The following SLC25A39 variants were observed in gnomAD, a reference collection of about 807,000 sequenced individuals.
SLC25A39 encodes solute carrier family 25 member 39.
Under a neutral mutation model 46.6 loss-of-function variants are expected in SLC25A39, and 44 were observed. The ratio of observed to expected loss-of-function variants is 0.94; its 90% CI spans 0.74 to 1.21. The LOEUF (loss-of-function observed/expected upper bound fraction) is 1.21, where lower values mean the gene tolerates loss of function less well. Among genes scored for constraint, SLC25A39 ranks in the 50% most tolerant of loss-of-function variants. The pLI, the probability that SLC25A39 is intolerant of heterozygous loss-of-function variation, is 0.00. For missense variants in SLC25A39, 487 were observed against 473.0 expected, an observed-to-expected ratio of 1.03 and a Z score of -0.28; for synonymous variants, 218 against 190.6, an observed-to-expected ratio of 1.14 and a Z score of -1.19.
intron 3 of SLC25A39, 111 bp from the exon 4 acceptor site, chr17:44,322,963 C>T (rs1047166134): frequency 1.7e-6 from 2 of 1,199,764 alleles, no homozygotes; most frequent in Non-Finnish European, 2.4e-6. Flanking sequence ...TGCTCTGTCG[C>T]CCACCCTGGA....
At chr17:44,324,430 G>T (rs966043494) in intron 1 of SLC25A39, 2 of 152,274 alleles carry the variant, frequency 1.3e-5, no homozygotes, top group African/African-American at 4.8e-5. Context: ...CTCCCCGCCC[G>T]GCCGGACGGG....
chr17:44,322,894 C>T (rs377197857), intron 3 of SLC25A39, 42 bp from the exon 4 acceptor site: 1 of 1,605,116 alleles, frequency 6.2e-7, no homozygotes, highest in Non-Finnish European at 8.5e-7. Flanking sequence ...GAGCCCCCAC[C>T]CGCCCTAGGG....
chr17:44,322,080 C>T (rs2048060500), intron 5 of SLC25A39, among the ~76,000 whole-genome samples: 1 of 152,200 alleles, frequency 6.6e-6, no homozygotes, highest in South Asian at 2.1e-4. Context: ...AAAACCCTGT[C>T]TCTACTAAAA....
rs377362658 is a variant in SLC25A39 at position 44,320,730 on chromosome 17, G to T, written c.693C>A (p.Ala231=). The T allele has an allele frequency of 1.2e-6, 2 of 1,611,986 alleles. No individual in the cohort carries two copies. Among genetic ancestry groups the T allele is most frequent in the African/African-American group, 2.7e-5 (2 of 74,968 alleles). Residue 231 remains alanine (A), a splice_region_variant and synonymous_variant, in exon 9 of 12, where the codon GCC becomes GCA. Coordinates refer to ENST00000377095, the MANE Select transcript of SLC25A39 (RefSeq NM_001143780.3). ...CCAGCTCATAGTTGAACCAGTACAG[G>T]GCTTGGGGTGGGGGATGCACTGATT... ...PTALRDVPFS[A]LYWFNYELVK...
rs1289114806 is a variant in SLC25A39, at chr17:44,321,241, G to T, written c.518-10C>A. The T allele has an allele frequency of 1.3e-6, 2 of 1,598,380 alleles. No individual in the cohort carries two copies. The highest frequency in any genetic ancestry group is 1.7e-6 in the Non-Finnish European group (2 of 1,171,786). On this transcript the variant is annotated splice_polypyrimidine_tract_variant and intron_variant, in intron 7 of 11. Transcript: ENST00000377095. Reference sequence around the variant, plus strand: ...ACAGTCACGGTGCCCACTGTGTGGGGATTGGGGGTGACAATGGGGAGAAGT... The same window carrying T: ...ACAGTCACGGTGCCCACTGTGTGGGTATTGGGGGTGACAATGGGGAGAAGT...
chr17:44,323,289 G>C lies in SLC25A39; in HGVS notation c.140C>G (p.Ala47Gly). ...VRLQSQRPSM[A>G]SELMPSSRLW... The stretch of plus-strand genomic sequence containing the variant: ...GTTCCAGGTCAGGTACTCACCGCTG[G>C]CCATGGAGGGCCGCTGAGACTGCAG... The change falls in exon 3 of 12, where the codon GCC (alanine) becomes GGC (glycine). Residue 47 changes from alanine (A) to glycine (G), a missense_variant. Ala to Gly is a moderately conservative substitution (Grantham distance 60). Coordinates refer to ENST00000377095, the MANE Select transcript of SLC25A39 (RefSeq NM_001143780.3). 1 of 1,613,762 alleles carries C rather than the reference G, an allele frequency of 6.2e-7. No homozygotes were observed. The highest frequency in any genetic ancestry group is 8.5e-7 in the Non-Finnish European group (1 of 1,179,932).
intron 2 of SLC25A39, 39 bp downstream of exon 2, chr17:44,323,439 A>ACCCCCCCCC: frequency 2.3e-5 from 6 of 257,084 alleles, no homozygotes; most frequent in East Asian, 1.0e-4. Flanking sequence ...GGTCTGCCCC[A>ACCCCCCCCC]TCCCCACCCG....
chr17:44,319,895 G>C lies in SLC25A39; in HGVS notation c.*106C>G, dbSNP rs1231220968. ...TGGAGCTTGTCGCCGGGAGGGAAGG[G>C]AAACAAGCCCCCTCCCTCAGTGCTG... On this transcript the variant is annotated 3_prime_UTR_variant, in exon 12 of 12. Coordinates refer to ENST00000377095, the MANE Select transcript of SLC25A39 (RefSeq NM_001143780.3). The C allele has an allele frequency of 1.6e-5, 18 of 1,118,124 alleles. No homozygotes were observed. Among genetic ancestry groups the C allele is most frequent in the Non-Finnish European group, 2.4e-5 (18 of 765,712 alleles). 69.3% of individuals were successfully genotyped at this position (1,118,124 alleles called of 1,614,324 possible).
intron 2 of SLC25A39, 39 bp downstream of exon 2, chr17:44,323,439 A>ACG: frequency 7.8e-6 from 2 of 257,114 alleles, no homozygotes; most frequent in Non-Finnish European, 1.1e-5. Flanking sequence ...GGTCTGCCCC[A>ACG]TCCCCACCCG....
rs564749567 is a variant in SLC25A39 at position 44,323,657 on chromosome 17, G to C, written c.-15-80C>G. The C allele has an allele frequency of 1.6e-5, 17 of 1,038,868 alleles. No homozygotes were observed. In the East Asian group the frequency reaches 2.6e-4, roughly 16 times the overall value. 64.4% of individuals were successfully genotyped at this position (1,038,868 alleles called of 1,614,324 possible). A position where few individuals can be genotyped will look rare whatever the true frequency, so the allele number is the denominator to read the frequency against. ...TGGGCCACTGTGAGACTTTTGTTTT[G>C]AGACGGCGTCTCGCTCTGCGCACTG... On this transcript the variant is annotated intron_variant, in intron 1 of 11. Coordinates refer to ENST00000377095, the MANE Select transcript of SLC25A39 (RefSeq NM_001143780.3).
chr17:44,322,924 T>TTA, intron 3 of SLC25A39, 72 bp from the exon 4 acceptor site: 1 of 1,516,840 alleles, frequency 6.6e-7, no homozygotes, highest in Non-Finnish European at 9.1e-7. Context: ...CTGGGAGATC[T>TTA]TTTTATTTTA....
chr17:44,323,439 A>AGCCCCCCCC, intron 2 of SLC25A39, 39 bp downstream of exon 2: 15 of 257,088 alleles, frequency 5.8e-5, no homozygotes, highest in East Asian at 1.0e-4. Context: ...GGTCTGCCCC[A>AGCCCCCCCC]TCCCCACCCG....
In SLC25A39 at chr17:44,324,819, A is replaced by T. The variant is rs1040831503; in HGVS notation, c.-124T>A. The T allele has an allele frequency of 2.0e-5, 3 of 151,966 alleles. No individual in the cohort carries two copies. The highest frequency in any genetic ancestry group is 2.9e-5 in the Non-Finnish European group (2 of 68,032). 9.4% of individuals were successfully genotyped at this position (151,966 alleles called of 1,614,324 possible). ...GCGCGCTCGCAGCGCACCTAGGCCG[A>T]CGCCGAAAGCAGCCAAGGGGGCCCC... On this transcript the variant is annotated 5_prime_UTR_variant, in exon 1 of 12. Coordinates refer to ENST00000377095, the MANE Select transcript of SLC25A39 (RefSeq NM_001143780.3).
At chr17:44,323,439 A>AAGGCC in intron 2 of SLC25A39, 39 bp downstream of exon 2, 1 of 257,112 alleles carries the variant, frequency 3.9e-6, no homozygotes, top group Non-Finnish European at 5.7e-6. Flanking sequence ...GGTCTGCCCC[A>AAGGCC]TCCCCACCCG....
chr17:44,323,330 G>A lies in SLC25A39; in HGVS notation c.99C>T (p.Asp33=), dbSNP rs937973739. 2.6e-5 allele frequency: 42 copies of A among 1,611,798 alleles called. No homozygotes were observed. The highest frequency in any genetic ancestry group is 1.7e-4 in the Middle Eastern group (1 of 6,044). ...GAGACTGCAGGCGAACCTTCACCAC[G>A]TCCAGGGGTGTCACTGGGGGAGGAA... ...VVTSLFMTPL[D]VVKVRLQSQR... is the part of the protein sequence containing the mutation. The change falls in exon 3 of 12, where the codon GAC becomes GAT. Residue 33 remains aspartate (D), a synonymous_variant. Coordinates refer to ENST00000377095, the MANE Select transcript of SLC25A39 (RefSeq NM_001143780.3).
chr17:44,323,320 C>A lies in SLC25A39; in HGVS notation c.109G>T (p.Val37Phe), dbSNP rs780902905. The change falls in exon 3 of 12, where the codon GTT (valine) becomes TTT (phenylalanine). Residue 37 changes from valine to phenylalanine, a missense_variant. Transcript: ENST00000377095. The stretch of plus-strand genomic sequence containing the variant: ...GAGGGCCGCTGAGACTGCAGGCGAA[C>A]CTTCACCACGTCCAGGGGTGTCACT... ...LFMTPLDVVK[V>F]RLQSQRPSMA... The A allele has an allele frequency of 3.7e-6, 6 of 1,612,966 alleles. No individual in the cohort carries two copies. The highest frequency in any genetic ancestry group is 1.7e-5 in the Admixed American group (1 of 59,904).
rs1367119652 is a variant in SLC25A39, at chr17:44,320,010, C to T, written c.1071G>A (p.Leu357=). The T allele has an allele frequency of 4.3e-6, 7 of 1,613,792 alleles. No homozygotes were observed. In the African/African-American group the frequency reaches 9.3e-5, roughly 22 times the overall value. The change falls in exon 12 of 12, where the codon CTG becomes CTA. Residue 357 remains leucine, a synonymous_variant. Transcript: ENST00000377095. The part of the protein sequence containing the change: ...FFQRLNQDRL[L]GG ...TGCCTCCTTGCCCCTTTCAGCCGCCCAGAAGCCGGTCCTGGTTCAGCCTCT... is the reference window on the plus strand; with the variant it reads ...TGCCTCCTTGCCCCTTTCAGCCGCCTAGAAGCCGGTCCTGGTTCAGCCTCT...
rs376958343 is a variant in SLC25A39 at position 44,320,207 on chromosome 17, C to A, written c.953G>T (p.Gly318Val). ...ACCCACACACTGACCTGCAAAGAGT[C>A]CCTTGGTGCCCGACTCGGCCCGGAT... ...RRIRAESGTK[G>V]LFAGFLPRII... The change falls in exon 11 of 12, where the codon GGA becomes GTA. Residue 318 changes from glycine (G) to valine (V), a missense_variant. Physicochemically the swap from Gly to Val is moderately radical, Grantham distance 109. Coordinates refer to ENST00000377095, the MANE Select transcript of SLC25A39 (RefSeq NM_001143780.3). The A allele has an allele frequency of 9.9e-6, 16 of 1,613,856 alleles. 1 individual carries two copies. The highest frequency in any genetic ancestry group is 6.6e-5 in the South Asian group (6 of 91,090).
At chr17:44,322,611 TG>T in intron 4 of SLC25A39, 59 bp from the exon 5 acceptor site, 4 of 1,591,070 alleles carry the variant, frequency 2.5e-6, no homozygotes, top group South Asian at 1.1e-5. Context: ...AGGGAGGCAG[TG>T]GGCCCCTATC....
Sources: gnomAD v4.1 joint callset for allele counts (sites outside exome capture counted in the v4.1 genomes callset) on GRCh38, gnomAD v4.1.1 for gene constraint, MANE v1.5 for transcripts, NCBI Gene and HGNC (gene_info 2026-07-23, HGNC 2026-07-21) for gene names.